Variants in MAPRE2 observed in about 807,000 individuals in gnomAD.
MAPRE2 encodes the protein microtubule-associated protein RP/EB family member 2.
In MAPRE2, 13 loss-of-function variants were observed where a neutral mutation model predicts 43.2. The observed-to-expected ratio is 0.30, with a 90% CI of 0.20 to 0.48. MAPRE2 has a LOEUF of 0.48. MAPRE2 is among the 20% of genes least tolerant of loss of function. The probability of loss-of-function intolerance (pLI) is 0.99; values close to 1 mark genes in which losing one functional copy is unlikely to be tolerated. For synonymous variants in MAPRE2, 135 were observed against 148.8 expected, an observed-to-expected ratio of 0.91 and a Z score of 0.68; for missense variants, 161 against 400.2, an observed-to-expected ratio of 0.40 and a Z score of 5.10.
At chr18:35,134,626 T>A (rs1910307998) in intron 6 of MAPRE2, among the ~76,000 whole-genome samples, 1 of 152,194 alleles carries the variant, frequency 6.6e-6, no homozygotes, top group South Asian at 2.1e-4. Flanking sequence ...GGGGAAAGCC[T>A]CAAGATTAAC....
At chr18:35,083,312 A>G (rs996952917) in intron 2 of MAPRE2, among the ~76,000 whole-genome samples, 1 of 152,362 alleles carries the variant, frequency 6.6e-6, no homozygotes, top group South Asian at 2.1e-4. Context: ...GCTATATCCC[A>G]TGATATTAGA....
intron 1 of MAPRE2, among the ~76,000 whole-genome samples, chr18:35,043,155 G>A (rs1353675115): frequency 6.6e-6 from 1 of 152,118 alleles, no homozygotes; most frequent in African/African-American, 2.4e-5. Context: ...CCCTGTGATT[G>A]GAAATTTGGG....
At chr18:35,122,011 G>C (rs1198468573) in intron 4 of MAPRE2, among the ~76,000 whole-genome samples, 8 of 152,206 alleles carry the variant, frequency 5.3e-5, no homozygotes, top group Non-Finnish European at 1.2e-4. Context: ...AGAAATTTTA[G>C]AGTGTGGTTG....
chr18:35,070,137 T>C, intron 1 of MAPRE2, 58 bp from the exon 2 acceptor site: 2 of 1,496,174 alleles, frequency 1.3e-6, no homozygotes, highest in East Asian at 4.7e-5. Flanking sequence ...CGAATAGGTA[T>C]CTTTTGTGTT....
At chr18:34,980,526 T>C (rs964146833) in intron 1 of MAPRE2, among the ~76,000 whole-genome samples, 1 of 152,158 alleles carries the variant, frequency 6.6e-6, no homozygotes, top group Admixed American at 6.5e-5. Flanking sequence ...TTGTTCGTAC[T>C]GAAGAGTATC....
rs1907878740 is a variant in MAPRE2 at position 35,086,344 on chromosome 18, ATGT to A, written c.251-11100_251-11098del. ...ATCAATAAGATTATATATAGAGATGATGTTTATTTTTATATACACATTGTATAT... is the reference window on the plus strand; with the variant it reads ...ATCAATAAGATTATATATAGAGATGATTATTTTTATATACACATTGTATAT... On this transcript the variant is annotated intron_variant, in intron 2 of 6. Coordinates refer to ENST00000300249, the MANE Select transcript of MAPRE2 (RefSeq NM_014268.4). Among the ~76,000 whole-genome samples, 3 of 151,982 alleles carry A rather than the reference ATGT, an allele frequency of 2.0e-5. No individual in the cohort carries two copies. The South Asian group carries it at 6.2e-4, about 32-fold the overall frequency.
At chr18:35,021,791 A>T (rs1337566124) in intron 2 of MAPRE2, among the ~76,000 whole-genome samples, 1 of 152,194 alleles carries the variant, frequency 6.6e-6, no homozygotes, top group Admixed American at 6.5e-5. Context: ...CTTTATGAAG[A>T]GTTTCAAGAA....
At chr18:34,995,856 A>T (rs1348980649) in intron 1 of MAPRE2, among the ~76,000 whole-genome samples, 1 of 152,142 alleles carries the variant, frequency 6.6e-6, no homozygotes, top group African/African-American at 2.4e-5. Context: ...AAGCACAGAG[A>T]GTGTGTGTGT....
At chr18:35,033,489 A>G (rs1199589651) in intron 2 of MAPRE2, among the ~76,000 whole-genome samples, 1 of 151,388 alleles carries the variant, frequency 6.6e-6, no homozygotes, top group Non-Finnish European at 1.5e-5. Context: ...CCTATTCAAC[A>G]TAGTGTTGGA....
intron 2 of MAPRE2, among the ~76,000 whole-genome samples, chr18:35,014,522 A>G (rs1245813725): frequency 6.6e-6 from 1 of 151,978 alleles, no homozygotes; most frequent in Admixed American, 6.6e-5. Flanking sequence ...ATTTATTTTT[A>G]AATGGACTAA....
In MAPRE2 at chr18:35,137,829, G is replaced by C. The variant is rs1029569106; in HGVS notation, c.910-2466G>C. ...TGGAGAGGGAAGCCATTATCTCGGG[G>C]CTGCAGGCAGTGAGAGAGGCTTCAG... On this transcript the variant is annotated intron_variant, in intron 6 of 6. Transcript: ENST00000300249. 2.0e-5 allele frequency among the ~76,000 whole-genome samples: 3 copies of C among 152,194 alleles called. No homozygotes were observed. The South Asian group carries it at 6.2e-4, about 32-fold the overall frequency.
chr18:35,093,918 C>T (rs1042153198), intron 2 of MAPRE2, among the ~76,000 whole-genome samples: 1 of 152,146 alleles, frequency 6.6e-6, no homozygotes, highest in Non-Finnish European at 1.5e-5. Flanking sequence ...GCTCTCAAAT[C>T]CCAGGAGTGT....
At chr18:35,129,956 G>A (rs1320733299) in intron 5 of MAPRE2, among the ~76,000 whole-genome samples, 1 of 152,222 alleles carries the variant, frequency 6.6e-6, no homozygotes, top group Non-Finnish European at 1.5e-5. Flanking sequence ...GTTAGCTAGT[G>A]TTGGTTTTTA....
chr18:35,109,162 A>G (rs1909054385), intron 4 of MAPRE2, among the ~76,000 whole-genome samples: 1 of 152,230 alleles, frequency 6.6e-6, no homozygotes, highest in Non-Finnish European at 1.5e-5. Context: ...GAAGGGGTTC[A>G]GTTTCAGTTT....
At chr18:35,053,996 G>A (rs1906088228) in intron 1 of MAPRE2, among the ~76,000 whole-genome samples, 1 of 152,158 alleles carries the variant, frequency 6.6e-6, no homozygotes, top group South Asian at 2.1e-4. Context: ...GTAACAAGGA[G>A]CCATTTGCAT....
intron 1 of MAPRE2, among the ~76,000 whole-genome samples, chr18:35,053,310 C>T (rs1023157027): frequency 6.6e-6 from 1 of 152,164 alleles, no homozygotes; most frequent in African/African-American, 2.4e-5. Context: ...AGGAGAATCA[C>T]TTGAACCCAG....
intron 4 of MAPRE2, among the ~76,000 whole-genome samples, chr18:35,110,571 G>A (rs1909132567): frequency 1.3e-5 from 2 of 152,036 alleles, no homozygotes; most frequent in Admixed American, 1.3e-4. Flanking sequence ...AAGTTCCCTA[G>A]CGGTTTCATT....
intron 1 of MAPRE2, among the ~76,000 whole-genome samples, chr18:35,041,999 G>C (rs1055154803): frequency 1.3e-5 from 2 of 152,170 alleles, no homozygotes; most frequent in Admixed American, 6.5e-5. Flanking sequence ...TTCCCTTTTA[G>C]ATTTTAAAGG....
chr18:35,052,303 A>G (rs1191089972), intron 1 of MAPRE2, among the ~76,000 whole-genome samples: 1 of 152,218 alleles, frequency 6.6e-6, no homozygotes, highest in Non-Finnish European at 1.5e-5. Flanking sequence ...TACATTTTAT[A>G]TAAATGGGAT....
Sources: gnomAD v4.1 joint callset for allele counts (sites outside exome capture counted in the v4.1 genomes callset) on GRCh38, gnomAD v4.1.1 for gene constraint, MANE v1.5 for transcripts, NCBI Gene and HGNC (gene_info 2026-07-23, HGNC 2026-07-21) for gene names.